Variants in CA10 observed in about 807,000 individuals in gnomAD.
CA10 encodes carbonic anhydrase 10 (inactive).
Under a neutral mutation model 44.2 loss-of-function variants are expected in CA10, and 14 were observed. The observed-to-expected ratio is 0.32, with a 90% CI of 0.21 to 0.50. The LOEUF (loss-of-function observed/expected upper bound fraction) is 0.50. Among genes scored for constraint, CA10 ranks in the 20% least tolerant of loss-of-function variants. The pLI is 0.99. For missense variants in CA10, 350 were observed against 409.7 expected (o/e 0.85, Z 1.26); for synonymous variants, 159 against 141.6 (o/e 1.12, Z -0.87).
chr17:51,887,540 C>T (rs1202259895), intron 3 of CA10, among the ~76,000 whole-genome samples: 2 of 152,178 alleles, frequency 1.3e-5, no homozygotes, highest in African/African-American at 4.8e-5. Context: ...GGTTGGGATC[C>T]TTGCTCTGCC....
intron 2 of CA10, among the ~76,000 whole-genome samples, chr17:52,006,465 G>A (rs1985600617): frequency 6.6e-6 from 1 of 151,702 alleles, no homozygotes. Context: ...ATCTCTCTTT[G>A]TGAGAAAAAG....
intron 3 of CA10, among the ~76,000 whole-genome samples, chr17:51,859,563 C>T (rs1462434488): frequency 6.6e-6 from 1 of 152,138 alleles, no homozygotes; most frequent in African/African-American, 2.4e-5. Flanking sequence ...ACGTTTCACA[C>T]AGGCCACTGA....
Position 51,694,727 on chromosome 17 carries a change from C to G in CA10, c.466-40991G>C, listed in dbSNP as rs116607575. Reference sequence around the variant, plus strand: ...GAGGACTTATTCATAAACTATATCCCAAGGCTAACATCCAGAATGGTGTTT... The same window carrying G: ...GAGGACTTATTCATAAACTATATCCGAAGGCTAACATCCAGAATGGTGTTT... On this transcript the variant is annotated intron_variant, in intron 4 of 8. Transcript: ENST00000451037. Among the ~76,000 whole-genome samples the G allele has an allele frequency of 4.9e-3, 747 of 152,122 alleles. 9 individuals carry two copies. The highest frequency in any genetic ancestry group is 0.017 in the African/African-American group (709 of 41,476).
rs372880526 is a variant in CA10 at position 51,838,022 on chromosome 17, A to G, written c.280-90204T>C. On this transcript the variant is annotated intron_variant, in intron 3 of 8. Transcript: ENST00000451037. ...GAGGGCAAGTGTCTTGAAGCCTTTTATCTTTCCAACGTGTAATTAATTACC... is the reference window on the plus strand; with the variant it reads ...GAGGGCAAGTGTCTTGAAGCCTTTTGTCTTTCCAACGTGTAATTAATTACC... 4.6e-5 allele frequency among the ~76,000 whole-genome samples: 7 copies of G among 152,226 alleles called. No homozygotes were observed. In the East Asian group the frequency reaches 1.2e-3, roughly 25 times the overall value.
chr17:51,813,778 C>G (rs1907463515), intron 3 of CA10, among the ~76,000 whole-genome samples: 1 of 152,190 alleles, frequency 6.6e-6, no homozygotes, highest in Admixed American at 6.5e-5. Context: ...GCTTTTCCAA[C>G]CACTCATGGG....
chr17:51,837,584 G>A (rs1306285258), intron 3 of CA10, among the ~76,000 whole-genome samples: 2 of 152,182 alleles, frequency 1.3e-5, no homozygotes, highest in Non-Finnish European at 2.9e-5. Flanking sequence ...TTATTCCAAA[G>A]CATTTGTCTT....
intron 3 of CA10, among the ~76,000 whole-genome samples, chr17:51,869,005 C>T (rs73989423): frequency 0.1 from 15,070 of 150,752 alleles, 955 homozygotes; most frequent in African/African-American, 0.18. Context: ...TTGATGAAAA[C>T]GTATTACTTT....
intron 2 of CA10, among the ~76,000 whole-genome samples, chr17:52,022,120 C>T (rs1567706348): frequency 6.6e-6 from 1 of 151,990 alleles, no homozygotes; most frequent in African/African-American, 2.4e-5. Flanking sequence ...TCAGCATCAG[C>T]TCAACATTAA....
intron 4 of CA10, among the ~76,000 whole-genome samples, chr17:51,678,830 T>C (rs1306924699): frequency 6.6e-6 from 1 of 152,184 alleles, no homozygotes; most frequent in East Asian, 1.9e-4. Context: ...CAAGTTTCTG[T>C]CTCTCTCTTT....
intron 1 of CA10, among the ~76,000 whole-genome samples, chr17:52,078,504 T>C (rs1302905752): frequency 6.6e-6 from 1 of 152,232 alleles, no homozygotes. Flanking sequence ...CTATGGTTAC[T>C]TCATTTTAAT....
chr17:51,752,797 G>T (rs1218493670), intron 3 of CA10, among the ~76,000 whole-genome samples: 1 of 152,100 alleles, frequency 6.6e-6, no homozygotes, highest in Non-Finnish European at 1.5e-5. Context: ...GTGGTAGCAG[G>T]CACCTGCAGC....
chr17:51,858,182 C>T (rs1979138819), intron 3 of CA10, among the ~76,000 whole-genome samples: 2 of 152,082 alleles, frequency 1.3e-5, no homozygotes, highest in Non-Finnish European at 2.9e-5. Context: ...GAATCTTCCA[C>T]TTGTAGTTTT....
At chr17:51,770,808 G>T (rs750640993) in intron 3 of CA10, among the ~76,000 whole-genome samples, 3 of 151,834 alleles carry the variant, frequency 2.0e-5, no homozygotes, top group Non-Finnish European at 2.9e-5. Flanking sequence ...ATAGTGGTGG[G>T]GGAGGTGCCA....
chr17:51,728,368 T>G (rs1916600361), intron 4 of CA10, among the ~76,000 whole-genome samples: 1 of 152,146 alleles, frequency 6.6e-6, no homozygotes, highest in Admixed American at 6.5e-5. Flanking sequence ...TTCTACTACT[T>G]TTTCTACTAC....
intron 4 of CA10, among the ~76,000 whole-genome samples, chr17:51,738,810 A>T (rs1238298767): frequency 6.6e-6 from 1 of 152,210 alleles, no homozygotes; most frequent in Non-Finnish European, 1.5e-5. Context: ...TGACCTAAGA[A>T]GGTTTTTTGA....
intron 2 of CA10, among the ~76,000 whole-genome samples, chr17:51,950,105 C>T (rs955211815): frequency 2.0e-5 from 3 of 152,148 alleles, no homozygotes; most frequent in African/African-American, 7.2e-5. Context: ...TCTTACTGAT[C>T]ATTAGCCTTG....
chr17:51,985,359 C>T (rs1401018447), intron 2 of CA10, among the ~76,000 whole-genome samples: 1 of 151,754 alleles, frequency 6.6e-6, no homozygotes, highest in African/African-American at 2.4e-5. Flanking sequence ...ATGCAAGGGA[C>T]ATAATGTAAT....
intron 2 of CA10, among the ~76,000 whole-genome samples, chr17:52,046,693 G>A (rs1986922255): frequency 6.6e-6 from 1 of 151,708 alleles, no homozygotes; most frequent in South Asian, 2.1e-4. Context: ...ACCAGACACA[G>A]AATCACCTTG....
intron 2 of CA10, among the ~76,000 whole-genome samples, chr17:51,967,018 C>A (rs1984105018): frequency 6.6e-6 from 1 of 151,332 alleles, no homozygotes; most frequent in South Asian, 2.1e-4. Context: ...CAAGCCAAAA[C>A]CAACCCCATT....
Sources: gnomAD v4.1 joint callset for allele counts (sites outside exome capture counted in the v4.1 genomes callset) on GRCh38, gnomAD v4.1.1 for gene constraint, MANE v1.5 for transcripts, NCBI Gene and HGNC (gene_info 2026-07-23, HGNC 2026-07-21) for gene names.